The following DNAJC1 variants were observed in gnomAD, a reference collection of about 807,000 sequenced individuals.
DNAJC1 encodes the protein dnaJ homolog subfamily C member 1.
Under a neutral mutation model 76.6 loss-of-function variants are expected in DNAJC1, and 58 were observed. The observed-to-expected ratio is 0.76, with a 90% CI of 0.61 to 0.94. DNAJC1 has a LOEUF of 0.94. Ranked by LOEUF, DNAJC1 falls within the 40% of genes least tolerant of loss-of-function variation. The pLI, the probability that DNAJC1 is intolerant of heterozygous loss-of-function variation, is 0.00. For missense variants in DNAJC1, 689 were observed against 677.3 expected (o/e 1.02, Z -0.19); for synonymous variants, 258 against 267.9 (o/e 0.96, Z 0.36).
Position 21,814,694 on chromosome 10 carries a change from G to A in DNAJC1, c.979-8595C>T, listed in dbSNP as rs74882153. ...GCTTTCATCCTTTCAGGGAGATCTC[G>A]CAGAGAAAGATACACTCTTGTATTA... On this transcript the variant is annotated intron_variant, in intron 8 of 11. Coordinates refer to ENST00000376980, the MANE Select transcript of DNAJC1 (RefSeq NM_022365.4). Among the ~76,000 whole-genome samples the A allele has an allele frequency of 5.2e-4, 79 of 152,210 alleles. No homozygotes were observed. The East Asian group carries it at 0.013, about 25-fold the overall frequency.
chr10:21,769,898 C>CTGG (rs1409542537), intron 9 of DNAJC1, among the ~76,000 whole-genome samples: 4 of 152,108 alleles, frequency 2.6e-5, no homozygotes, highest in Admixed American at 6.5e-5. Flanking sequence ...GTTGGTCAGG[C>CTGG]TGGTCTTGAA....
intron 8 of DNAJC1, among the ~76,000 whole-genome samples, chr10:21,854,166 T>TCA: frequency 6.6e-6 from 1 of 152,186 alleles, no homozygotes; most frequent in South Asian, 2.1e-4. Context: ...AAGAGAAATA[T>TCA]AAGTCACCAG....
At chr10:21,758,586 C>A (rs532801808) in intron 11 of DNAJC1, among the ~76,000 whole-genome samples, 3 of 152,256 alleles carry the variant, frequency 2.0e-5, no homozygotes, top group African/African-American at 4.8e-5. Context: ...CCCTAGCTGT[C>A]GCCTGGCACT....
chr10:21,759,094 G>T, intron 11 of DNAJC1, 76 bp downstream of exon 11: 2 of 1,423,670 alleles, frequency 1.4e-6, no homozygotes, highest in Non-Finnish European at 9.6e-7. Flanking sequence ...GAGGGAAGAA[G>T]CTGCAGGCAG....
chr10:21,881,761 G>C (rs892378738), intron 8 of DNAJC1, among the ~76,000 whole-genome samples: 6 of 146,404 alleles, frequency 4.1e-5, no homozygotes, highest in Non-Finnish European at 8.9e-5. Context: ...ATGTTATATA[G>C]AGACACAAAG....
chr10:21,854,696 C>T (rs1372804897), intron 8 of DNAJC1, among the ~76,000 whole-genome samples: 1 of 152,030 alleles, frequency 6.6e-6, no homozygotes, highest in Non-Finnish European at 1.5e-5. Flanking sequence ...TGATAAGATT[C>T]AAGGCAGAAG....
chr10:21,817,614 G>A (rs944406504), intron 8 of DNAJC1, among the ~76,000 whole-genome samples: 11 of 151,948 alleles, frequency 7.2e-5, no homozygotes, highest in African/African-American at 1.7e-4. Context: ...AAAATTCAAA[G>A]CTCTTAATGA....
intron 10 of DNAJC1, among the ~76,000 whole-genome samples, chr10:21,763,761 G>GGACCAGA (rs1834266571): frequency 6.6e-6 from 1 of 151,974 alleles, no homozygotes; most frequent in Admixed American, 6.6e-5. Context: ...GAAACTCTGG[G>GGACCAGA]GTTATCTATA....
chr10:21,791,798 T>C (rs982505461), intron 9 of DNAJC1, among the ~76,000 whole-genome samples: 8 of 152,098 alleles, frequency 5.3e-5, no homozygotes, highest in African/African-American at 1.9e-4. Flanking sequence ...ATAAATAACC[T>C]AATGATGCAT....
At chr10:21,944,684 C>T (rs1227515392) in intron 1 of DNAJC1, among the ~76,000 whole-genome samples, 3 of 151,988 alleles carry the variant, frequency 2.0e-5, no homozygotes, top group African/African-American at 7.3e-5. Context: ...GAGAAAGAAT[C>T]GAGTGTAAAA....
At chr10:21,915,360 G>C (rs1836935299) in intron 6 of DNAJC1, among the ~76,000 whole-genome samples, 1 of 152,156 alleles carries the variant, frequency 6.6e-6, no homozygotes, top group Admixed American at 6.6e-5. Flanking sequence ...TGGGTATTTA[G>C]AGGATGAATG....
chr10:21,953,821 T>TAAAAAAAAAAAAA (rs779370823), intron 1 of DNAJC1, among the ~76,000 whole-genome samples: 1 of 84,938 alleles, frequency 1.2e-5, no homozygotes, highest in Non-Finnish European at 2.3e-5. Flanking sequence ...AACTGAACTT[T>TAAAAAAAAAAAAA]AAAAAAAAAA....
intron 1 of DNAJC1, among the ~76,000 whole-genome samples, chr10:21,941,702 T>G (rs923132733): frequency 6.6e-6 from 1 of 152,138 alleles, no homozygotes; most frequent in Non-Finnish European, 1.5e-5. Context: ...GTATTATGAT[T>G]TGTGATTTGT....
intron 7 of DNAJC1, among the ~76,000 whole-genome samples, chr10:21,898,427 T>C (rs891565442): frequency 1.3e-5 from 2 of 152,308 alleles, no homozygotes; most frequent in African/African-American, 4.8e-5. Context: ...GTCGTAGTGA[T>C]GCTGGTATAA....
chr10:21,789,671 A>G (rs1834656654), intron 9 of DNAJC1, among the ~76,000 whole-genome samples: 1 of 152,210 alleles, frequency 6.6e-6, no homozygotes, highest in South Asian at 2.1e-4. Context: ...ATATCATGAA[A>G]AAGAATCAAA....
At chr10:21,978,718 AC>A (rs761432614) in intron 1 of DNAJC1, among the ~76,000 whole-genome samples, 7 of 152,156 alleles carry the variant, frequency 4.6e-5, no homozygotes, top group East Asian at 1.9e-4. Context: ...CTGGAAACAT[AC>A]ACAAACTTCC....
intron 1 of DNAJC1, among the ~76,000 whole-genome samples, chr10:21,995,848 G>C (rs975588057): frequency 3.3e-5 from 5 of 152,032 alleles, no homozygotes; most frequent in Non-Finnish European, 7.4e-5. Flanking sequence ...TACATAAGAT[G>C]GGAAATGAAA....
intron 8 of DNAJC1, among the ~76,000 whole-genome samples, chr10:21,841,579 C>T (rs1466609674): frequency 6.6e-6 from 1 of 152,052 alleles, no homozygotes; most frequent in African/African-American, 2.4e-5. Context: ...GTTAGAATGG[C>T]GATCATTAAA....
At chr10:21,851,132 G>T (rs560011447) in intron 8 of DNAJC1, among the ~76,000 whole-genome samples, 5 of 152,232 alleles carry the variant, frequency 3.3e-5, no homozygotes, top group African/African-American at 1.2e-4. Flanking sequence ...AACAAAAATA[G>T]AAGTCAATCA....
Sources: gnomAD v4.1 joint callset for allele counts (sites outside exome capture counted in the v4.1 genomes callset) on GRCh38, gnomAD v4.1.1 for gene constraint, MANE v1.5 for transcripts, NCBI Gene and HGNC (gene_info 2026-07-23, HGNC 2026-07-21) for gene names.